The following COL11A1 variants were observed in gnomAD, a reference collection of about 807,000 sequenced individuals.
COL11A1 encodes the protein collagen alpha-1(XI) chain.
COL11A1 carries 74 observed loss-of-function variants against 265.2 expected under a neutral mutation model. The observed-to-expected ratio is 0.28, with a 90% CI of 0.23 to 0.34. The LOEUF is 0.34. Ranked by LOEUF, COL11A1 falls within the 10% of genes least tolerant of loss-of-function variation. The pLI, the probability that COL11A1 is intolerant of heterozygous loss-of-function variation, is 1.00. For synonymous variants in COL11A1, 816 were observed against 727.6 expected (o/e 1.12, Z -1.96); for missense variants, 2,165 against 2,263.6 (o/e 0.96, Z 0.88).
intron 43 of COL11A1, 137 bp downstream of exon 43, chr1:102,940,190 T>C: frequency 2.8e-6 from 2 of 719,734 alleles, no homozygotes; most frequent in South Asian, 3.1e-5. Flanking sequence ...CTTTTGAGCA[T>C]ATGAAAATGT....
chr1:103,045,563 G>A (rs983858621), intron 4 of COL11A1, among the ~76,000 whole-genome samples: 5 of 151,672 alleles, frequency 3.3e-5, no homozygotes, highest in African/African-American at 1.2e-4. Context: ...AAACATCAAG[G>A]TCTTAAAAAA....
At chr1:102,946,699 C>CAAAA (rs1274090850) in intron 42 of COL11A1, 150 bp downstream of exon 42, 1 of 654,214 alleles carries the variant, frequency 1.5e-6, no homozygotes, top group Admixed American at 2.6e-5. Flanking sequence ...GAAATTTTCT[C>CAAAA]TATTATACAT....
intron 28 of COL11A1, among the ~76,000 whole-genome samples, chr1:102,992,237 G>A (rs867694908): frequency 5.3e-5 from 8 of 151,838 alleles, no homozygotes; most frequent in African/African-American, 7.3e-5. Flanking sequence ...AGCAAGTGAC[G>A]TATCAAGTTA....
At chr1:103,048,335 G>T (rs1669486931) in intron 4 of COL11A1, among the ~76,000 whole-genome samples, 1 of 152,122 alleles carries the variant, frequency 6.6e-6, no homozygotes, top group African/African-American at 2.4e-5. Context: ...TTCTTGGGAG[G>T]ATGTATGTGT....
At chr1:102,897,506 T>G (rs1445389342) in intron 57 of COL11A1, among the ~76,000 whole-genome samples, 5 of 151,958 alleles carry the variant, frequency 3.3e-5, no homozygotes, top group Non-Finnish European at 7.4e-5. Context: ...GGCAAGTCTT[T>G]TATTCTCACT....
intron 43 of COL11A1, 102 bp downstream of exon 43, chr1:102,940,225 C>T (rs775405827): frequency 3.1e-6 from 3 of 952,528 alleles, no homozygotes; most frequent in Non-Finnish European, 5.1e-6. Flanking sequence ...AAAAGGTAAC[C>T]TTTCACCTGG....
rs1234001348 is a variant in COL11A1 at position 102,908,020 on chromosome 1, A to G, written c.4086+4139T>C. ...GTGGCAGTGCCCAGTAACTCAAAACAGCCATGCATAATAATCTTCACTGTT... is the reference window on the plus strand; with the variant it reads ...GTGGCAGTGCCCAGTAACTCAAAACGGCCATGCATAATAATCTTCACTGTT... On this transcript the variant is annotated intron_variant, in intron 54 of 66. Coordinates refer to ENST00000370096, the MANE Select transcript of COL11A1 (RefSeq NM_001854.4). Among the ~76,000 whole-genome samples, 10 of 152,212 alleles carry G rather than the reference A, an allele frequency of 6.6e-5. No individual in the cohort carries two copies. In the East Asian group the frequency reaches 1.9e-3, roughly 29 times the overall value.
chr1:103,010,244 A>C (rs1665990366), intron 14 of COL11A1, among the ~76,000 whole-genome samples: 1 of 152,176 alleles, frequency 6.6e-6, no homozygotes, highest in Admixed American at 6.5e-5. Context: ...TTCTTTTCTA[A>C]ATCTTAATCT....
chr1:102,957,318 T>A (rs1660475877), intron 41 of COL11A1, among the ~76,000 whole-genome samples: 2 of 152,116 alleles, frequency 1.3e-5, no homozygotes, highest in South Asian at 4.1e-4. Flanking sequence ...AAGGATATAG[T>A]GCATAAGCTA....
intron 28 of COL11A1, among the ~76,000 whole-genome samples, chr1:102,994,816 C>A (rs567585568): frequency 6.6e-6 from 1 of 152,046 alleles, no homozygotes; most frequent in South Asian, 2.1e-4. Context: ...CCTGAGACTG[C>A]GTAATTTATA....
At chr1:102,922,975 T>A (rs981724547) in intron 47 of COL11A1, among the ~76,000 whole-genome samples, 1 of 152,214 alleles carries the variant, frequency 6.6e-6, no homozygotes, top group Non-Finnish European at 1.5e-5. Flanking sequence ...TAAACAATTA[T>A]ATGCATTTCA....
intron 1 of COL11A1, among the ~76,000 whole-genome samples, chr1:103,092,586 T>G (rs1448659518): frequency 6.6e-6 from 1 of 152,148 alleles, no homozygotes; most frequent in Non-Finnish European, 1.5e-5. Flanking sequence ...TAGTGCATTC[T>G]GTACTACTGT....
rs531686083 is a variant in COL11A1 at position 103,030,952 on chromosome 1, T to C, written c.780+164A>G. 277 of 847,358 alleles carry C rather than the reference T, an allele frequency of 3.3e-4. 1 individual carries two copies. The African/African-American group carries it at 4.5e-3, about 14-fold the overall frequency. The allele number at this position is 847,358 out of a possible 1,614,324, so 52.5% of individuals were successfully genotyped here. On this transcript the variant is annotated intron_variant, in intron 5 of 66. Transcript: ENST00000370096. ...AATGCTTAAACAGCAAGAAAACAAG[T>C]ACCAAATATATTCAAGTCACTTTTT...
At chr1:103,029,955 T>C (rs1377151223) in intron 5 of COL11A1, among the ~76,000 whole-genome samples, 2 of 152,076 alleles carry the variant, frequency 1.3e-5, no homozygotes, top group Non-Finnish European at 2.9e-5. Flanking sequence ...TATCTTTCTT[T>C]ATAAAGGAGC....
chr1:102,898,072 A>G, intron 57 of COL11A1, 53 bp downstream of exon 57: 1 of 1,193,014 alleles, frequency 8.4e-7, no homozygotes, highest in Non-Finnish European at 1.2e-6. Flanking sequence ...GCTAATAAAC[A>G]ATTTTGTTTT....
chr1:103,085,925 T>C (rs1672818725), intron 1 of COL11A1, among the ~76,000 whole-genome samples: 2 of 152,146 alleles, frequency 1.3e-5, no homozygotes, highest in Admixed American at 1.3e-4. Flanking sequence ...TTATCCGTCC[T>C]GTGCAGATTG....
At chr1:102,977,509 A>C (rs1314280787) in intron 35 of COL11A1, among the ~76,000 whole-genome samples, 1 of 152,160 alleles carries the variant, frequency 6.6e-6, no homozygotes, top group East Asian at 1.9e-4. Context: ...AAGCATATTC[A>C]CTTGTAAGGA....
intron 30 of COL11A1, among the ~76,000 whole-genome samples, chr1:102,986,871 A>G (rs1038296362): frequency 6.6e-6 from 1 of 152,166 alleles, no homozygotes; most frequent in African/African-American, 2.4e-5. Context: ...GATGTTTTAA[A>G]ACATATTGAT....
At chr1:102,930,492 G>A (rs1341684799) in intron 46 of COL11A1, among the ~76,000 whole-genome samples, 5 of 151,986 alleles carry the variant, frequency 3.3e-5, no homozygotes, top group Non-Finnish European at 7.4e-5. Context: ...GATTCATTTT[G>A]CCAGTATTTT....
Sources: allele counts gnomAD v4.1 joint callset (sites outside exome capture counted in the v4.1 genomes callset), GRCh38; gene constraint gnomAD v4.1.1; transcripts MANE v1.5; gene names NCBI Gene and HGNC (gene_info 2026-07-23, HGNC 2026-07-21).